Variants in RTL4 observed in about 807,000 individuals in gnomAD.
RTL4 encodes retrotransposon Gag like 4.
A neutral mutation model predicts 5.3 loss-of-function variants in RTL4; 4 were observed. The observed-to-expected ratio is 0.75, with a 90% CI of 0.37 to 1.72. The LOEUF is 1.72. RTL4 is among the 40% of genes most tolerant of loss of function. The pLI, the probability that RTL4 is intolerant of heterozygous loss-of-function variation, is 0.04. For missense variants in RTL4, 260 were observed against 227.1 expected (o/e 1.14, Z -0.93); for synonymous variants, 98 against 87.3 (o/e 1.12, Z -0.68).
chrX:112,414,814 G>A, the RTL4 span, among the ~76,000 whole-genome samples: 2 of 111,404 alleles, frequency 1.8e-5, no homozygotes, highest in Non-Finnish European at 3.8e-5. Context: ...TCCCTTAAGA[G>A]CCTGTGAGAG....
the RTL4 span, among the ~76,000 whole-genome samples, chrX:112,255,098 C>G: frequency 2.7e-5 from 3 of 111,746 alleles, no homozygotes; most frequent in South Asian, 7.5e-4. Context: ...GGGCTAGAAT[C>G]TGATGACCCA....
chrX:112,131,569 A>G, the RTL4 span, among the ~76,000 whole-genome samples: 1 of 111,939 alleles, frequency 8.9e-6, no homozygotes, highest in African/African-American at 3.2e-5. Flanking sequence ...GAGACCTGGT[A>G]TTTCTTGAAA....
chrX:112,161,420 A>G, the RTL4 span, among the ~76,000 whole-genome samples: 1 of 111,979 alleles, frequency 8.9e-6, no homozygotes, highest in African/African-American at 3.2e-5. Flanking sequence ...ACATGTTACC[A>G]TAAAGGATTC....
the RTL4 span, among the ~76,000 whole-genome samples, chrX:112,282,434 C>T: frequency 2.7e-5 from 3 of 111,647 alleles, no homozygotes; most frequent in African/African-American, 9.8e-5. Flanking sequence ...ATAATACTTA[C>T]AGTGTTGTTC....
At chrX:112,170,723 C>G in the RTL4 span, among the ~76,000 whole-genome samples, 1 of 111,492 alleles carries the variant, frequency 9.0e-6, no homozygotes, top group African/African-American at 3.3e-5. Flanking sequence ...CTCTTGCTAT[C>G]TGAATACCCT....
chrX:112,255,028 C>G, the RTL4 span, among the ~76,000 whole-genome samples: 1 of 111,898 alleles, frequency 8.9e-6, no homozygotes, highest in Non-Finnish European at 1.9e-5. Context: ...ATAACTTACA[C>G]GTCTCTCAGT....
the RTL4 span, among the ~76,000 whole-genome samples, chrX:112,262,542 C>A: frequency 8.9e-6 from 1 of 111,978 alleles, no homozygotes; most frequent in Non-Finnish European, 1.9e-5. Flanking sequence ...AGTCAGGAAA[C>A]AACAGGTGCT....
the RTL4 span, among the ~76,000 whole-genome samples, chrX:112,326,862 A>G: frequency 6.3e-5 from 7 of 111,812 alleles, no homozygotes; most frequent in African/African-American, 2.3e-4. Flanking sequence ...ACCCCCGAGC[A>G]GCCTAACTGG....
At chrX:112,333,083 GGTGT>G in the RTL4 span, among the ~76,000 whole-genome samples, 38 of 104,490 alleles carry the variant, frequency 3.6e-4, no homozygotes, top group African/African-American at 6.3e-4. Context: ...CTCCTTCAAT[GGTGT>G]GTGTGTGTGT....
At chrX:112,408,070 G>A in the RTL4 span, among the ~76,000 whole-genome samples, 1 of 111,482 alleles carries the variant, frequency 9.0e-6, no homozygotes, top group African/African-American at 3.3e-5. Context: ...AAATCAATAT[G>A]TAACTCTTCA....
chrX:112,255,342 G>T, the RTL4 span, among the ~76,000 whole-genome samples: 2 of 111,887 alleles, frequency 1.8e-5, no homozygotes, highest in African/African-American at 6.5e-5. Context: ...CATTCTGGCT[G>T]CATTGTTATT....
the RTL4 span, among the ~76,000 whole-genome samples, chrX:112,216,850 A>G: frequency 5.4e-5 from 6 of 111,894 alleles, no homozygotes; most frequent in Admixed American, 4.7e-4. Context: ...ATTAAAATCT[A>G]CCCATATATT....
chrX:112,435,408 A>C, the RTL4 span, among the ~76,000 whole-genome samples: 5 of 112,640 alleles, frequency 4.4e-5, no homozygotes, highest in Non-Finnish European at 7.5e-5. Flanking sequence ...AATTTATGGT[A>C]CAACCTTTTT....
the RTL4 span, among the ~76,000 whole-genome samples, chrX:112,402,725 T>G: frequency 2.7e-5 from 3 of 110,838 alleles, no homozygotes; most frequent in African/African-American, 9.9e-5. Context: ...GCTCTAGACC[T>G]TGATGGCTTA....
At chrX:112,204,803 T>C in the RTL4 span, among the ~76,000 whole-genome samples, 1 of 111,277 alleles carries the variant, frequency 9.0e-6, no homozygotes, top group African/African-American at 3.3e-5. Context: ...AAATAACTTA[T>C]AGAGTATAAT....
At chrX:112,363,724 T>C in the RTL4 span, among the ~76,000 whole-genome samples, 1 of 111,419 alleles carries the variant, frequency 9.0e-6, no homozygotes, top group East Asian at 2.8e-4. Context: ...AAATAAAAGC[T>C]CATTATTTGA....
At chrX:112,275,496 G>A in the RTL4 span, among the ~76,000 whole-genome samples, 1 of 111,982 alleles carries the variant, frequency 8.9e-6, no homozygotes, top group African/African-American at 3.2e-5. Flanking sequence ...AGGTTCAAAT[G>A]CAAGCCCTGA....
chrX:112,300,564 A>T, the RTL4 span, among the ~76,000 whole-genome samples: 2 of 112,403 alleles, frequency 1.8e-5, no homozygotes, highest in Non-Finnish European at 3.8e-5. Context: ...TAGATGTGAA[A>T]GGATGTTCAC....
chrX:112,260,615 T>G, the RTL4 span, among the ~76,000 whole-genome samples: 1 of 111,852 alleles, frequency 8.9e-6, no homozygotes, highest in South Asian at 3.8e-4. Context: ...ATCACCATCT[T>G]TATTATATCC....
Sources: gnomAD v4.1 joint callset for allele counts (sites outside exome capture counted in the v4.1 genomes callset) on GRCh38, gnomAD v4.1.1 for gene constraint, MANE v1.5 for transcripts, NCBI Gene and HGNC (gene_info 2026-07-23, HGNC 2026-07-21) for gene names.